Variants in ZFHX3 observed in about 807,000 individuals in gnomAD.
ZFHX3 encodes zinc finger homeobox 3.
A neutral mutation model predicts 279.1 loss-of-function variants in ZFHX3; 42 were observed. The ratio of observed to expected loss-of-function variants is 0.15; its 90% CI spans 0.12 to 0.19. The LOEUF is 0.19. Ranked by LOEUF, ZFHX3 falls within the 10% of genes least tolerant of loss-of-function variation. The probability of loss-of-function intolerance (pLI) is 1.00; values close to 1 mark genes in which losing one functional copy is unlikely to be tolerated. For synonymous variants in ZFHX3, 2,293 were observed against 1,957.8 expected, an observed-to-expected ratio of 1.17 and a Z score of -4.52; for missense variants, 4,981 against 4,754.0, an observed-to-expected ratio of 1.05 and a Z score of -1.40.
Position 72,912,228 on chromosome 16 carries a change from C to T in ZFHX3, c.3217-22266G>A, listed in dbSNP as rs1278614218. Among the ~76,000 whole-genome samples the T allele has an allele frequency of 2.0e-5, 3 of 152,114 alleles. No homozygotes were observed. In the East Asian group the frequency reaches 5.8e-4, roughly 29 times the overall value. ...GTGCCTGCTCAGGTGCCGCTGGGAG[C>T]AATGTCAGGCCCAGTGTCACTTAAC... is the stretch of plus-strand genomic sequence containing the variant. On this transcript the variant is annotated intron_variant, in intron 3 of 9. Transcript: ENST00000268489.
chr16:73,480,395 G>T (rs1233031252), intron 2 of ZFHX3, among the ~76,000 whole-genome samples: 2 of 152,108 alleles, frequency 1.3e-5, no homozygotes, highest in African/African-American at 4.8e-5. Flanking sequence ...TGGATGAGAG[G>T]AACCTTAGGT....
At chr16:73,585,348 G>A (rs1051259684) in intron 2 of ZFHX3, among the ~76,000 whole-genome samples, 24 of 152,298 alleles carry the variant, frequency 1.6e-4, no homozygotes, top group Admixed American at 8.5e-4. Flanking sequence ...CCCTGGAGGC[G>A]GAGGTTGCAG....
intron 3 of ZFHX3, among the ~76,000 whole-genome samples, chr16:72,904,905 C>T (rs75070471): frequency 0.01 from 1,527 of 152,236 alleles, 46 homozygotes; most frequent in East Asian, 0.037. Context: ...CATCTTGGCT[C>T]ACTGCAACCT....
chr16:73,005,364 G>A (rs982047674), intron 1 of ZFHX3, among the ~76,000 whole-genome samples: 5 of 152,034 alleles, frequency 3.3e-5, no homozygotes, highest in East Asian at 1.9e-4. Flanking sequence ...GCATGGTGGC[G>A]CACACCTGTA....
At chr16:73,579,839 T>C (rs2143821302) in intron 2 of ZFHX3, among the ~76,000 whole-genome samples, 1 of 120,826 alleles carries the variant, frequency 8.3e-6, no homozygotes, top group East Asian at 2.4e-4. Flanking sequence ...GGTTCACAAA[T>C]ATATATTATA....
At chr16:73,435,096 G>A (rs1040268059) in intron 3 of ZFHX3, among the ~76,000 whole-genome samples, 6 of 152,140 alleles carry the variant, frequency 3.9e-5, no homozygotes, top group African/African-American at 1.2e-4. Flanking sequence ...CTGGCATTGT[G>A]TTCAGCTTTC....
Position 72,980,924 on chromosome 16 carries a change from A to G in ZFHX3, c.-49-20730T>C, listed in dbSNP as rs563226336. On this transcript the variant is annotated intron_variant, in intron 1 of 9. Coordinates refer to ENST00000268489, the MANE Select transcript of ZFHX3 (RefSeq NM_006885.4). ...TGATAGAACTATGGAAGGGTTCATT[A>G]TATCATTCTTTCTACTTTTATACAG... is the stretch of plus-strand genomic sequence containing the variant. 2.5e-3 allele frequency among the ~76,000 whole-genome samples: 377 copies of G among 152,316 alleles called. 1 individual carries two copies. The highest frequency in any genetic ancestry group is 0.014 in the Middle Eastern group (4 of 294).
intron 3 of ZFHX3, among the ~76,000 whole-genome samples, chr16:73,445,181 T>C (rs2018161387): frequency 6.6e-6 from 1 of 151,898 alleles, no homozygotes; most frequent in Admixed American, 6.6e-5. Context: ...TAGATGTATA[T>C]ATGTAGTTCT....
intron 1 of ZFHX3, among the ~76,000 whole-genome samples, chr16:73,832,199 C>T (rs1567424352): frequency 6.7e-6 from 1 of 149,596 alleles, no homozygotes; most frequent in Non-Finnish European, 1.5e-5. Context: ...TGCCCGACCT[C>T]ATATGCTTTT....
At chr16:73,806,797 G>T (rs879892213) in intron 1 of ZFHX3, among the ~76,000 whole-genome samples, 8 of 152,112 alleles carry the variant, frequency 5.3e-5, no homozygotes, top group Non-Finnish European at 1.0e-4. Flanking sequence ...GAGACCAAGG[G>T]GAGCCCTCTC....
At chr16:73,878,175 G>A (rs1308857514) in intron 1 of ZFHX3, among the ~76,000 whole-genome samples, 1 of 151,944 alleles carries the variant, frequency 6.6e-6, no homozygotes, top group Non-Finnish European at 1.5e-5. Context: ...AACTCTTGCT[G>A]GTTCAATCGA....
chr16:73,614,952 G>T (rs888444753), intron 2 of ZFHX3, among the ~76,000 whole-genome samples: 4 of 151,924 alleles, frequency 2.6e-5, no homozygotes, highest in Admixed American at 2.0e-4. Context: ...TAGAGATGGG[G>T]TTTTGCCATG....
intron 1 of ZFHX3, among the ~76,000 whole-genome samples, chr16:73,021,448 G>A (rs985787756): frequency 4.6e-5 from 7 of 152,160 alleles, no homozygotes; most frequent in African/African-American, 1.7e-4. Flanking sequence ...TGTCTACCAA[G>A]AACCTCAGAA....
intron 2 of ZFHX3, among the ~76,000 whole-genome samples, chr16:73,596,610 C>T (rs1254683538): frequency 6.6e-6 from 1 of 152,144 alleles, no homozygotes; most frequent in African/African-American, 2.4e-5. Flanking sequence ...ACCTGTGCTC[C>T]CATCTCAGCT....
intron 3 of ZFHX3, among the ~76,000 whole-genome samples, chr16:72,937,625 C>T (rs1192634803): frequency 6.6e-6 from 1 of 152,182 alleles, no homozygotes; most frequent in East Asian, 1.9e-4. Flanking sequence ...TCCATGAGTA[C>T]AGGCTGCCAG....
intron 1 of ZFHX3, among the ~76,000 whole-genome samples, chr16:72,969,230 G>A (rs762114755): frequency 6.6e-6 from 1 of 152,092 alleles, no homozygotes; most frequent in African/African-American, 2.4e-5. Flanking sequence ...AAAGGAAGTG[G>A]CTGTGAGGCT....
At chr16:72,838,353 G>GT (rs1555522364) in intron 4 of ZFHX3, among the ~76,000 whole-genome samples, 2,448 of 152,346 alleles carry the variant, frequency 0.016, 45 homozygotes, top group East Asian at 0.082. Flanking sequence ...CCAGGCTGCA[G>GT]CTGCGTGTTC....
At chr16:73,136,552 C>G (rs557487714) in intron 6 of ZFHX3, among the ~76,000 whole-genome samples, 1 of 151,302 alleles carries the variant, frequency 6.6e-6, no homozygotes. Context: ...GGTGAAACCT[C>G]GTCTCTACTA....
intron 3 of ZFHX3, among the ~76,000 whole-genome samples, chr16:72,890,932 C>G (rs2038757385): frequency 6.6e-6 from 1 of 152,170 alleles, no homozygotes; most frequent in Admixed American, 6.5e-5. Flanking sequence ...TAAATTATGA[C>G]AGGAAAAGTT....
Sources: gnomAD v4.1 joint callset for allele counts (sites outside exome capture counted in the v4.1 genomes callset) on GRCh38, gnomAD v4.1.1 for gene constraint, MANE v1.5 for transcripts, NCBI Gene and HGNC (gene_info 2026-07-23, HGNC 2026-07-21) for gene names.